Variants in GRIP1 observed in about 807,000 individuals in gnomAD.
The protein encoded by GRIP1 is glutamate receptor-interacting protein 1.
A neutral mutation model predicts 129.9 loss-of-function variants in GRIP1; 45 were observed. The observed-to-expected ratio is 0.35, with a 90% CI of 0.27 to 0.44. The LOEUF is 0.44. Ranked by LOEUF, GRIP1 falls within the 20% of genes least tolerant of loss-of-function variation. The pLI, the probability that GRIP1 is intolerant of heterozygous loss-of-function variation, is 1.00. For missense variants in GRIP1, 1,196 were observed against 1,396.8 expected, an observed-to-expected ratio of 0.86 and a Z score of 2.29; for synonymous variants, 530 against 520.8, an observed-to-expected ratio of 1.02 and a Z score of -0.24.
chr12:66,433,214 T>C, intron 13 of GRIP1, among the ~76,000 whole-genome samples: 1 of 152,128 alleles, frequency 6.6e-6, no homozygotes, highest in Non-Finnish European at 1.5e-5. Context: ...ATTTGTAATG[T>C]GAAAAGTACA....
chr12:66,539,168 C>T lies in GRIP1; in HGVS notation c.328G>A (p.Ala110Thr). ...ATGATCTCGTCATGGCGGAATTTGG[C>T]CAGGTTGATTCCATTCACTGCTTTG... ...YIKAVNGINL[A>T]KFRHDEIISL... Residue 110 changes from alanine to threonine, a missense_variant, in exon 4 of 25, where the codon GCC becomes ACC. Ala to Thr is a moderately conservative substitution (Grantham distance 58). This residue lies in a region of GRIP1 where 217 missense variants were observed against 224.8 expected (regional missense o/e 0.97). Transcript: ENST00000359742. 6.2e-7 allele frequency: 1 copy of T among 1,613,976 alleles called. No homozygotes were observed. The highest frequency in any genetic ancestry group is 8.5e-7 in the Non-Finnish European group (1 of 1,179,922).
chr12:66,620,046 G>A (rs1195103383), intron 1 of GRIP1, among the ~76,000 whole-genome samples: 1 of 152,076 alleles, frequency 6.6e-6, no homozygotes, highest in African/African-American at 2.4e-5. Flanking sequence ...ATATAATACA[G>A]ATAATATATG....
At chr12:66,999,866 A>G (rs2042524820) in intron 1 of GRIP1, among the ~76,000 whole-genome samples, 1 of 152,112 alleles carries the variant, frequency 6.6e-6, no homozygotes, top group South Asian at 2.1e-4. Flanking sequence ...TGCTACACTG[A>G]ACACTCATTC....
intron 15 of GRIP1, among the ~76,000 whole-genome samples, chr12:66,419,194 A>G (rs1384877782): frequency 1.3e-5 from 2 of 152,242 alleles, no homozygotes; most frequent in South Asian, 2.1e-4. Flanking sequence ...AACCAGGCAC[A>G]GAAATACAAA....
intron 1 of GRIP1, among the ~76,000 whole-genome samples, chr12:66,848,126 C>T (rs1353569201): frequency 6.6e-6 from 1 of 152,122 alleles, no homozygotes; most frequent in African/African-American, 2.4e-5. Flanking sequence ...TGTAGAACAA[C>T]ACAAAGCCAA....
At chr12:67,058,145 T>C (rs989395341) in intron 1 of GRIP1, among the ~76,000 whole-genome samples, 4 of 152,198 alleles carry the variant, frequency 2.6e-5, no homozygotes, top group Admixed American at 1.3e-4. Context: ...CATTCACAGA[T>C]TATATACCAG....
intron 1 of GRIP1, among the ~76,000 whole-genome samples, chr12:66,790,621 T>A (rs1312621179): frequency 6.6e-6 from 1 of 152,012 alleles, no homozygotes; most frequent in Non-Finnish European, 1.5e-5. Flanking sequence ...GAATGAGAAA[T>A]GAATTCAAGG....
At chr12:66,563,447 T>C (rs984483505) in intron 2 of GRIP1, 2 of 152,198 alleles carry the variant, frequency 1.3e-5, no homozygotes, top group Non-Finnish European at 2.9e-5. Context: ...CTTTTCCCAC[T>C]GTAATTGTTC....
At chr12:66,710,480 A>G (rs2035678324) in intron 1 of GRIP1, among the ~76,000 whole-genome samples, 1 of 151,886 alleles carries the variant, frequency 6.6e-6, no homozygotes. Flanking sequence ...GTTAATATTT[A>G]TTTGCTAAAA....
intron 1 of GRIP1, among the ~76,000 whole-genome samples, chr12:66,736,032 T>C (rs1156336400): frequency 1.2e-4 from 19 of 152,130 alleles, no homozygotes; most frequent in Non-Finnish European, 1.5e-5. Flanking sequence ...CAGTTCACCC[T>C]TAAACAATGC....
intron 1 of GRIP1, among the ~76,000 whole-genome samples, chr12:66,854,985 T>C (rs1489391841): frequency 1.3e-5 from 2 of 152,092 alleles, no homozygotes; most frequent in African/African-American, 2.4e-5. Flanking sequence ...TCAACATCAT[T>C]ACTACTTGAA....
chr12:66,514,149 T>C (rs1270709555), intron 7 of GRIP1, among the ~76,000 whole-genome samples: 1 of 152,212 alleles, frequency 6.6e-6, no homozygotes, highest in East Asian at 1.9e-4. Context: ...TCTTGTTTAC[T>C]GTCTGTTTTT....
chr12:66,874,395 T>C (rs540861798), intron 1 of GRIP1, among the ~76,000 whole-genome samples: 69 of 152,208 alleles, frequency 4.5e-4, no homozygotes, highest in African/African-American at 1.6e-3. Context: ...TGGCAGGTTT[T>C]AGATTTTTTT....
chr12:66,386,566 G>A (rs1029388653), intron 19 of GRIP1, among the ~76,000 whole-genome samples: 9 of 152,070 alleles, frequency 5.9e-5, no homozygotes, highest in African/African-American at 1.4e-4. Flanking sequence ...CCCGGGAGGC[G>A]GAGCTTACAG....
rs1029133054 is a variant in GRIP1 at position 66,419,488 on chromosome 12, G to A, written c.1838+1232C>T. Among the ~76,000 whole-genome samples the A allele has an allele frequency of 4.9e-4, 74 of 152,266 alleles. 1 individual carries two copies. The highest frequency in any genetic ancestry group is 3.4e-3 in the Middle Eastern group (1 of 294). On this transcript the variant is annotated intron_variant, in intron 15 of 24. Coordinates refer to ENST00000359742, the MANE Select transcript of GRIP1 (RefSeq NM_001366722.1). ...TGTAACACAAAGGATAAAAGCTTGA[G>A]GGGATGGGTACCCTATTTTCCATGA...
At chr12:67,064,931 T>C (rs2135901669) in intron 1 of GRIP1, 1 of 117,796 alleles carries the variant, frequency 8.5e-6, no homozygotes, top group East Asian at 2.5e-4. Context: ...ATCCCCAGAG[T>C]GTGATGTTCC....
intron 1 of GRIP1, among the ~76,000 whole-genome samples, chr12:66,727,896 T>C (rs764372880): frequency 2.6e-5 from 4 of 152,158 alleles, no homozygotes; most frequent in Non-Finnish European, 4.4e-5. Flanking sequence ...AAATTCTACA[T>C]TGAGAAAGGT....
intron 1 of GRIP1, among the ~76,000 whole-genome samples, chr12:66,707,562 G>A (rs952826768): frequency 4.1e-5 from 6 of 147,820 alleles, no homozygotes; most frequent in South Asian, 2.1e-4. Context: ...ATTTAGAGAC[G>A]CTTAATGTCC....
upstream of GRIP1, among the ~76,000 whole-genome samples, chr12:66,683,767 C>T (rs184735137): frequency 1.2e-4 from 19 of 152,282 alleles, no homozygotes; most frequent in Admixed American, 3.9e-4. Context: ...GTGAAGGTAA[C>T]AACCTTAGAA....
Sources: allele counts gnomAD v4.1 joint callset (sites outside exome capture counted in the v4.1 genomes callset), GRCh38; gene constraint gnomAD v4.1.1; regional missense constraint gnomAD v4.1.1; transcripts MANE v1.5; gene names NCBI Gene and HGNC (gene_info 2026-07-23, HGNC 2026-07-21).